Variants in GRIP1 observed in about 807,000 individuals in gnomAD.
GRIP1 encodes glutamate receptor-interacting protein 1.
In GRIP1, 45 loss-of-function variants were observed where a neutral mutation model predicts 129.9. That is an observed-to-expected ratio of 0.35 (90% confidence interval 0.27 to 0.44). The LOEUF (loss-of-function observed/expected upper bound fraction) is 0.44, where lower values mean the gene tolerates loss of function less well. Among genes scored for constraint, GRIP1 ranks in the 20% least tolerant of loss-of-function variants. The pLI, the probability that GRIP1 is intolerant of heterozygous loss-of-function variation, is 1.00. For synonymous variants in GRIP1, 530 were observed against 520.8 expected (o/e 1.02, Z -0.24); for missense variants, 1,196 against 1,396.8 (o/e 0.86, Z 2.29).
Position 66,951,156 on chromosome 12 carries a change from TA to T in GRIP1, c.58+117893del, listed in dbSNP as rs371537780. Among the ~76,000 whole-genome samples, 61 of 152,348 alleles carry T rather than the reference TA, an allele frequency of 4.0e-4. 1 individual carries two copies. The highest frequency in any genetic ancestry group is 1.3e-3 in the African/African-American group (54 of 41,574). ...AAATAAGGCTGAATTTTAGCTGTGTTAAATGCTATGAAGTCTGATAAAAACA... is the reference window on the plus strand; with the variant it reads ...AAATAAGGCTGAATTTTAGCTGTGTTAATGCTATGAAGTCTGATAAAAACA... On this transcript the variant is annotated intron_variant, in intron 1 of 1. Transcript: ENST00000643019.
At chr12:66,714,284 T>C (rs2035800557) in intron 1 of GRIP1, among the ~76,000 whole-genome samples, 1 of 152,012 alleles carries the variant, frequency 6.6e-6, no homozygotes, top group Admixed American at 6.6e-5. Flanking sequence ...GAAGTAAAAA[T>C]TTTCTATTTA....
At chr12:66,958,029 T>C (rs553898033) in intron 1 of GRIP1, among the ~76,000 whole-genome samples, 8 of 151,674 alleles carry the variant, frequency 5.3e-5, no homozygotes, top group Non-Finnish European at 1.2e-4. Context: ...TTTTGGATTA[T>C]GATTATAATA....
intron 1 of GRIP1, among the ~76,000 whole-genome samples, chr12:67,005,954 A>C (rs557569924): frequency 6.6e-6 from 1 of 152,286 alleles, no homozygotes; most frequent in East Asian, 1.9e-4. Context: ...CCAATCATCT[A>C]ATCTGCCCGT....
chr12:66,535,871 T>A lies in GRIP1; in HGVS notation c.418+3207A>T, dbSNP rs570020739. Among the ~76,000 whole-genome samples the A allele has an allele frequency of 2.6e-5, 4 of 152,280 alleles. No individual in the cohort carries two copies. The South Asian group carries it at 8.3e-4, about 32-fold the overall frequency. On this transcript the variant is annotated intron_variant, in intron 4 of 24. Coordinates refer to ENST00000359742, the MANE Select transcript of GRIP1 (RefSeq NM_001366722.1). The stretch of plus-strand genomic sequence containing the variant: ...CAAATGTATATTTACAGTACAGATC[T>A]TTCTCTCAAACTCCAAATCATATCT...
intron 15 of GRIP1, among the ~76,000 whole-genome samples, chr12:66,414,046 G>T (rs1473853546): frequency 6.6e-6 from 1 of 152,058 alleles, no homozygotes; most frequent in African/African-American, 2.4e-5. Context: ...ACAAGACAAG[G>T]ATGCCCTCTC....
At chr12:66,644,506 A>T (rs2136106756) in intron 1 of GRIP1, among the ~76,000 whole-genome samples, 1 of 152,348 alleles carries the variant, frequency 6.6e-6, no homozygotes, top group East Asian at 1.9e-4. Flanking sequence ...CCTCAAAAGA[A>T]GATTGAAAAT....
intron 7 of GRIP1, among the ~76,000 whole-genome samples, chr12:66,466,938 T>G (rs1020682136): frequency 1.3e-5 from 2 of 152,202 alleles, no homozygotes; most frequent in Non-Finnish European, 2.9e-5. Context: ...TAATATGCAC[T>G]GACTCATGAA....
intron 1 of GRIP1, among the ~76,000 whole-genome samples, chr12:66,885,136 C>T (rs1032216407): frequency 6.6e-6 from 1 of 152,174 alleles, no homozygotes; most frequent in Non-Finnish European, 1.5e-5. Context: ...GAAGGGGAGG[C>T]AGAAACTTTC....
chr12:66,870,221 G>A (rs12820694), intron 1 of GRIP1, among the ~76,000 whole-genome samples: 32,694 of 151,846 alleles, frequency 0.22, 4,275 homozygotes, highest in East Asian at 0.3. Context: ...AGACAGTTGG[G>A]GCAAATATGC....
intron 1 of GRIP1, among the ~76,000 whole-genome samples, chr12:66,696,804 CAAAAAA>C (rs35445606): frequency 1.9e-5 from 2 of 103,754 alleles, no homozygotes; most frequent in African/African-American, 8.1e-5. Flanking sequence ...GACTCTGTCT[CAAAAAA>C]AAAAAAAAAA....
chr12:66,717,275 GC>G (rs929584245), intron 1 of GRIP1, among the ~76,000 whole-genome samples: 2 of 151,824 alleles, frequency 1.3e-5, no homozygotes, highest in Admixed American at 1.3e-4. Flanking sequence ...AAGCCTATAT[GC>G]CAATTTTAAA....
intron 5 of GRIP1, among the ~76,000 whole-genome samples, chr12:66,525,297 C>G (rs1469508772): frequency 6.6e-6 from 1 of 152,102 alleles, no homozygotes; most frequent in Non-Finnish European, 1.5e-5. Flanking sequence ...TACTGGCAAA[C>G]CAAATCCAGC....
At chr12:66,748,525 G>A (rs960992242) in intron 1 of GRIP1, among the ~76,000 whole-genome samples, 5 of 152,140 alleles carry the variant, frequency 3.3e-5, no homozygotes, top group African/African-American at 9.7e-5. Flanking sequence ...CAGTGTTAGT[G>A]GCATGTATCT....
intron 5 of GRIP1, among the ~76,000 whole-genome samples, chr12:66,523,618 C>T (rs1377040939): frequency 6.6e-6 from 1 of 151,880 alleles, no homozygotes; most frequent in Non-Finnish European, 1.5e-5. Flanking sequence ...GAAACTGCAT[C>T]AACTAACGAG....
chr12:66,480,695 T>C (rs1055199298), intron 7 of GRIP1, among the ~76,000 whole-genome samples: 9 of 152,222 alleles, frequency 5.9e-5, no homozygotes, highest in Non-Finnish European at 8.8e-5. Context: ...AACAGCATGG[T>C]ACTGGTATCA....
chr12:66,541,479 A>C (rs1404576342), intron 3 of GRIP1, among the ~76,000 whole-genome samples: 1 of 152,188 alleles, frequency 6.6e-6, no homozygotes, highest in Non-Finnish European at 1.5e-5. Context: ...AGATGATTGG[A>C]GTGTCTCCTT....
chr12:66,961,869 G>A (rs552328655), intron 1 of GRIP1, among the ~76,000 whole-genome samples: 54 of 152,204 alleles, frequency 3.5e-4, no homozygotes, highest in African/African-American at 1.3e-3. Flanking sequence ...TTGATCAAAC[G>A]AACAAATATA....
At chr12:66,422,671 C>T (rs1456957825) in intron 14 of GRIP1, among the ~76,000 whole-genome samples, 1 of 152,160 alleles carries the variant, frequency 6.6e-6, no homozygotes, top group East Asian at 1.9e-4. Context: ...CTCTGTCATC[C>T]TTGAAAGAGA....
chr12:66,406,123 G>A (rs1466554346), intron 16 of GRIP1, among the ~76,000 whole-genome samples, 160 bp downstream of exon 16: 1 of 152,080 alleles, frequency 6.6e-6, no homozygotes, highest in Non-Finnish European at 1.5e-5. Flanking sequence ...TTTAAAATTT[G>A]TACTACACTC....
Sources: gnomAD v4.1 joint callset for allele counts (sites outside exome capture counted in the v4.1 genomes callset) on GRCh38, gnomAD v4.1.1 for gene constraint, MANE v1.5 for transcripts, NCBI Gene and HGNC (gene_info 2026-07-23, HGNC 2026-07-21) for gene names.